The following RBFOX1 variants were observed in gnomAD, a reference collection of about 807,000 sequenced individuals.
The protein encoded by RBFOX1 is RNA binding fox-1 homolog 1, also known as RNA binding protein fox-1 homolog 1.
RBFOX1 carries 8 observed loss-of-function variants against 57.7 expected under a neutral mutation model. The observed-to-expected ratio is 0.14, with a 90% CI of 0.08 to 0.25. RBFOX1 has a LOEUF of 0.25. Ranked by LOEUF, RBFOX1 falls within the 10% of genes least tolerant of loss-of-function variation. RBFOX1 has a pLI of 1.00. For missense variants in RBFOX1, 611 were observed against 548.5 expected (o/e 1.11, Z -1.14); for synonymous variants, 326 against 222.4 (o/e 1.47, Z -4.15).
intron 14 of RBFOX1, among the ~76,000 whole-genome samples, chr16:7,698,110 CAATT>C (rs765881817): frequency 1.3e-5 from 2 of 151,892 alleles, no homozygotes; most frequent in African/African-American, 2.4e-5. Context: ...GGCTGAAAAA[CAATT>C]AACAATATGC....
At chr16:5,330,697 G>T (rs1002185808) in intron 1 of RBFOX1, among the ~76,000 whole-genome samples, 3 of 150,106 alleles carry the variant, frequency 2.0e-5, no homozygotes, top group African/African-American at 7.4e-5. Flanking sequence ...GAGCCAGTTT[G>T]CCCAGCCTAC....
intron 4 of RBFOX1, among the ~76,000 whole-genome samples, chr16:7,352,297 A>C (rs901115657): frequency 2.6e-5 from 4 of 152,172 alleles, no homozygotes; most frequent in African/African-American, 9.7e-5. Flanking sequence ...AACAGGGCAG[A>C]AACAACTGGC....
intron 1 of RBFOX1, among the ~76,000 whole-genome samples, chr16:6,090,997 C>G (rs2096164053): frequency 6.6e-6 from 1 of 152,232 alleles, no homozygotes; most frequent in African/African-American, 2.4e-5. Context: ...GTGCAATGGT[C>G]AAGTTAGGGT....
chr16:7,699,523 A>T (rs1301280965), intron 14 of RBFOX1, among the ~76,000 whole-genome samples: 1 of 152,204 alleles, frequency 6.6e-6, no homozygotes, highest in Non-Finnish European at 1.5e-5. Context: ...TAAAAAGAGC[A>T]CACAATAGGA....
rs1448645829 is a variant in RBFOX1 at position 6,416,309 on chromosome 16, C to T, written c.-64+99252C>T. On this transcript the variant is annotated intron_variant, in intron 2 of 15. Transcript: ENST00000550418. The stretch of plus-strand genomic sequence containing the variant: ...GATTTTATTAAGCCGGTAAAATCAC[C>T]CGACAGTTTAGATAGCTCAAGCCTC... 3.3e-5 allele frequency among the ~76,000 whole-genome samples: 5 copies of T among 152,126 alleles called. 1 individual carries two copies. The highest frequency in any genetic ancestry group is 1.3e-4 in the Admixed American group (2 of 15,266).
At chr16:7,367,397 C>G (rs1568445811) in intron 4 of RBFOX1, among the ~76,000 whole-genome samples, 1 of 152,192 alleles carries the variant, frequency 6.6e-6, no homozygotes. Flanking sequence ...CCTCTGGTCC[C>G]TCTCTCTTCG....
intron 2 of RBFOX1, among the ~76,000 whole-genome samples, chr16:6,358,289 G>C (rs1333192699): frequency 1.3e-5 from 2 of 152,142 alleles, no homozygotes; most frequent in Non-Finnish European, 2.9e-5. Context: ...TCCAGTACAT[G>C]TTACCCCTCC....
At chr16:7,322,643 C>G (rs1603620581) in intron 4 of RBFOX1, among the ~76,000 whole-genome samples, 1 of 152,094 alleles carries the variant, frequency 6.6e-6, no homozygotes, top group South Asian at 2.1e-4. Flanking sequence ...GATGAGGGCA[C>G]AATTCAGAGT....
At chr16:7,062,119 T>G (rs1321523538) in intron 4 of RBFOX1, among the ~76,000 whole-genome samples, 1 of 151,698 alleles carries the variant, frequency 6.6e-6, no homozygotes, top group Admixed American at 6.6e-5. Flanking sequence ...AGATCGAGAC[T>G]ATCCTGGCTA....
chr16:5,821,171 G>A (rs771928563), intron 3 of RBFOX1, among the ~76,000 whole-genome samples: 1 of 151,814 alleles, frequency 6.6e-6, no homozygotes, highest in African/African-American at 2.4e-5. Flanking sequence ...TTTTCTCCTC[G>A]TCTGGCCTGG....
intron 4 of RBFOX1, among the ~76,000 whole-genome samples, chr16:7,303,647 C>T (rs920248880): frequency 6.6e-6 from 1 of 152,068 alleles, no homozygotes; most frequent in Non-Finnish European, 1.5e-5. Flanking sequence ...TCCCCTGGAC[C>T]CATTTGACAA....
chr16:7,345,735 T>G (rs979689129), intron 4 of RBFOX1, among the ~76,000 whole-genome samples: 2 of 152,220 alleles, frequency 1.3e-5, no homozygotes, highest in African/African-American at 4.8e-5. Flanking sequence ...GCAGAGCATA[T>G]GGGATTCTTA....
intron 4 of RBFOX1, among the ~76,000 whole-genome samples, chr16:7,066,449 C>T (rs1438639430): frequency 2.0e-5 from 3 of 152,142 alleles, no homozygotes; most frequent in Admixed American, 6.5e-5. Flanking sequence ...TGAGGCCCAA[C>T]CTTTGTAGGA....
At position 7,171,440 on chromosome 16, in the gene RBFOX1, C is replaced by CTT. The variant is rs571790860; in HGVS notation, c.27+119344_27+119345dup. ...CCCTGTTTTGTATGTTCCCTGGTTG[C>CTT]TTTATGTATGTGTGCTTTTGAACTA... On this transcript the variant is annotated intron_variant, in intron 4 of 15. Transcript: ENST00000550418. 1.2e-4 allele frequency among the ~76,000 whole-genome samples: 19 copies of CTT among 152,260 alleles called. No individual in the cohort carries two copies. In the East Asian group the frequency reaches 3.7e-3, roughly 29 times the overall value.
rs777721681 is a variant in RBFOX1 at position 7,518,382 on chromosome 16, C to T, written c.263C>T (p.Thr88Ile). 1 of 1,609,518 alleles carries T rather than the reference C, an allele frequency of 6.2e-7. No individual in the cohort carries two copies. Among genetic ancestry groups the T allele is most frequent in the Non-Finnish European group, 8.5e-7 (1 of 1,176,958 alleles). Residue 88 changes from threonine to isoleucine, a missense_variant, in exon 5 of 16, where the codon ACC (threonine) becomes ATC (isoleucine). Thr to Ile is a moderately conservative substitution (Grantham distance 89). Transcript: ENST00000550418. ...ACGAGCGCTCAGACCGTCTCTGGCACCGCCACAGTAAGTGGACGTGTTTGC... is the reference window on the plus strand; with the variant it reads ...ACGAGCGCTCAGACCGTCTCTGGCATCGCCACAGTAAGTGGACGTGTTTGC... ...ADTSAQTVSG[T>I]ATQTDDAAPT... is the part of the protein sequence containing the mutation.
intron 3 of RBFOX1, among the ~76,000 whole-genome samples, chr16:6,697,826 C>A (rs560795002): frequency 6.6e-6 from 1 of 152,276 alleles, no homozygotes; most frequent in Non-Finnish European, 1.5e-5. Context: ...ACATGGCCCA[C>A]CTTTAGCCTT....
chr16:5,486,815 T>G (rs2042644468), intron 2 of RBFOX1, among the ~76,000 whole-genome samples: 1 of 152,066 alleles, frequency 6.6e-6, no homozygotes, highest in Non-Finnish European at 1.5e-5. Flanking sequence ...TAACTTAAAT[T>G]TTTCTTTAAT....
At chr16:6,455,789 C>G (rs565337317) in intron 2 of RBFOX1, among the ~76,000 whole-genome samples, 9 of 152,144 alleles carry the variant, frequency 5.9e-5, no homozygotes, top group African/African-American at 2.2e-4. Flanking sequence ...TATTCAATCT[C>G]TAGTTCCAAA....
rs567548223 is a variant in RBFOX1 at position 6,740,343 on chromosome 16, C to G, written c.-16+85693C>G. Among the ~76,000 whole-genome samples, 8 of 152,208 alleles carry G rather than the reference C, an allele frequency of 5.3e-5. No individual in the cohort carries two copies. The East Asian group carries it at 1.5e-3, about 29-fold the overall frequency. ...CAAATGAATGATTTCCCCTTAAATA[C>G]AGGAACAAGACACCACTGCTATTCA... On this transcript the variant is annotated intron_variant, in intron 3 of 15. Transcript: ENST00000550418.
Sources: allele counts gnomAD v4.1 joint callset (sites outside exome capture counted in the v4.1 genomes callset), GRCh38; gene constraint gnomAD v4.1.1; transcripts MANE v1.5; gene names NCBI Gene and HGNC (gene_info 2026-07-23, HGNC 2026-07-21).